Variants in MAMDC2 observed in about 807,000 individuals in gnomAD.
The protein encoded by MAMDC2 is MAM domain containing 2.
A neutral mutation model predicts 89.8 loss-of-function variants in MAMDC2; 57 were observed. That is an observed-to-expected ratio of 0.63 (90% CI 0.51 to 0.79). The LOEUF (loss-of-function observed/expected upper bound fraction) is 0.79, where lower values mean the gene tolerates loss of function less well. Among genes scored for constraint, MAMDC2 ranks in the 30% least tolerant of loss-of-function variants. MAMDC2 has a pLI of 0.00. For missense variants in MAMDC2, 800 were observed against 820.6 expected, an observed-to-expected ratio of 0.97 and a Z score of 0.31; for synonymous variants, 313 against 293.4, an observed-to-expected ratio of 1.07 and a Z score of -0.68.
intron 11 of MAMDC2, among the ~76,000 whole-genome samples, chr9:70,189,034 A>T (rs1453109216): frequency 2.0e-5 from 3 of 152,132 alleles, no homozygotes; most frequent in African/African-American, 7.2e-5. Flanking sequence ...TTATAAGCCC[A>T]TTGACACAGT....
chr9:70,197,920 C>T (rs2033005065), intron 11 of MAMDC2, among the ~76,000 whole-genome samples: 1 of 152,008 alleles, frequency 6.6e-6, no homozygotes, highest in African/African-American at 2.4e-5. Flanking sequence ...GGTCATTCGT[C>T]CCACTTTATC....
intron 12 of MAMDC2, among the ~76,000 whole-genome samples, chr9:70,219,978 C>A (rs189986924): frequency 1.4e-3 from 207 of 152,212 alleles, no homozygotes; most frequent in African/African-American, 3.6e-3. Context: ...TTCTCAGGTC[C>A]CACTTTAAAA....
At position 70,159,782 on chromosome 9, in the gene MAMDC2, C is replaced by T. The variant is rs546478090; in HGVS notation, c.1405-8920C>T. Among the ~76,000 whole-genome samples, 3 of 152,350 alleles carry T rather than the reference C, an allele frequency of 2.0e-5. No individual in the cohort carries two copies. The South Asian group carries it at 6.2e-4, about 32-fold the overall frequency. ...TTAAATTGGTCTTTACATTTTATTA[C>T]ATTACATTTGTCAGGGCAGTGTTTG... On this transcript the variant is annotated intron_variant, in intron 9 of 13. Coordinates refer to ENST00000377182, the MANE Select transcript of MAMDC2 (RefSeq NM_153267.5).
intron 11 of MAMDC2, among the ~76,000 whole-genome samples, chr9:70,196,181 A>G (rs1316953585): frequency 6.6e-6 from 1 of 152,072 alleles, no homozygotes; most frequent in Non-Finnish European, 1.5e-5. Flanking sequence ...CAATCTCATG[A>G]TTCAATTCTC....
chr9:70,160,450 CATTT>C (rs2031932866), intron 9 of MAMDC2, among the ~76,000 whole-genome samples: 1 of 152,022 alleles, frequency 6.6e-6, no homozygotes, highest in African/African-American at 2.4e-5. Flanking sequence ...AGGTTTTTCT[CATTT>C]ATTTTCCACT....
intron 9 of MAMDC2, among the ~76,000 whole-genome samples, chr9:70,150,211 A>G (rs1180162127): frequency 6.6e-6 from 1 of 152,234 alleles, no homozygotes; most frequent in Non-Finnish European, 1.5e-5. Context: ...CAGAGAGTAC[A>G]TGTTTCTCCA....
intron 2 of MAMDC2, among the ~76,000 whole-genome samples, chr9:70,059,707 T>C (rs985317983): frequency 5.9e-5 from 9 of 152,176 alleles, no homozygotes; most frequent in African/African-American, 2.2e-4. Context: ...TGAAAATAGA[T>C]TTCTTCATCG....
At chr9:70,164,004 C>T (rs2032080527) in intron 9 of MAMDC2, among the ~76,000 whole-genome samples, 1 of 150,348 alleles carries the variant, frequency 6.7e-6, no homozygotes, top group Non-Finnish European at 1.5e-5. Flanking sequence ...AGCACAAGGA[C>T]TGCACATAAC....
At chr9:70,165,620 T>C (rs992118011) in intron 9 of MAMDC2, among the ~76,000 whole-genome samples, 1 of 152,170 alleles carries the variant, frequency 6.6e-6, no homozygotes, top group Non-Finnish European at 1.5e-5. Flanking sequence ...AAAACATGCT[T>C]AACATTTCAT....
chr9:70,120,012 T>C (rs1019750694), intron 5 of MAMDC2, among the ~76,000 whole-genome samples: 2 of 152,192 alleles, frequency 1.3e-5, no homozygotes, highest in Non-Finnish European at 2.9e-5. Context: ...GCTTAGCTCA[T>C]ATAAGTCACG....
chr9:70,087,523 A>G, intron 2 of MAMDC2: 1 of 152,084 alleles, frequency 6.6e-6, no homozygotes, highest in East Asian at 1.9e-4. Context: ...AATTCTTATA[A>G]TTGAGTCTCA....
chr9:70,192,500 T>C (rs535337127), intron 11 of MAMDC2, among the ~76,000 whole-genome samples: 1 of 152,226 alleles, frequency 6.6e-6, no homozygotes, highest in East Asian at 1.9e-4. Context: ...GTATCTAAGA[T>C]TACCTTATTC....
intron 11 of MAMDC2, among the ~76,000 whole-genome samples, chr9:70,205,310 C>A (rs188108460): frequency 4.5e-4 from 69 of 152,256 alleles, no homozygotes; most frequent in Non-Finnish European, 9.0e-4. Context: ...AACTCCGTAC[C>A]CATTAAACAA....
chr9:70,100,096 TGGGGTAA>T (rs1195260402), intron 2 of MAMDC2, among the ~76,000 whole-genome samples: 2 of 146,742 alleles, frequency 1.4e-5, no homozygotes, highest in Non-Finnish European at 1.5e-5. Flanking sequence ...GATGACGAGG[TGGGGTAA>T]CCATCAGAAG....
chr9:70,074,111 G>A (rs768323524), intron 2 of MAMDC2, among the ~76,000 whole-genome samples: 1 of 152,170 alleles, frequency 6.6e-6, no homozygotes, highest in Non-Finnish European at 1.5e-5. Context: ...TTAAATGAAA[G>A]GATGCTGTTT....
In MAMDC2 at chr9:70,044,249, GGACAACCCCGGGGGC is replaced by G; in HGVS notation, c.34+20_34+34del. On this transcript the variant is annotated intron_variant, in intron 1 of 13. Coordinates refer to ENST00000377182, the MANE Select transcript of MAMDC2 (RefSeq NM_153267.5). ...GTTGCAAGGTAAGGCCTGGACCCCG[GGACAACCCCGGGGGC>G]GCTCTGACGACTCGCCCCCGCTCCT... 1 of 1,611,404 alleles carries G rather than the reference GGACAACCCCGGGGGC, an allele frequency of 6.2e-7. No individual in the cohort carries two copies. Among genetic ancestry groups the G allele is most frequent in the South Asian group, 1.1e-5 (1 of 91,072 alleles).
chr9:70,127,868 G>C (rs1484720913), intron 6 of MAMDC2, among the ~76,000 whole-genome samples: 1 of 152,130 alleles, frequency 6.6e-6, no homozygotes, highest in Non-Finnish European at 1.5e-5. Context: ...TCCCGTCAAA[G>C]TCAGATGAGT....
At chr9:70,140,492 TA>T (rs1346327775) in intron 8 of MAMDC2, among the ~76,000 whole-genome samples, 1 of 152,182 alleles carries the variant, frequency 6.6e-6, no homozygotes, top group Non-Finnish European at 1.5e-5. Flanking sequence ...GCTAGTTAAT[TA>T]AACAGGCAAA....
chr9:70,071,256 G>T (rs558023464), intron 2 of MAMDC2, among the ~76,000 whole-genome samples: 1 of 152,176 alleles, frequency 6.6e-6, no homozygotes, highest in African/African-American at 2.4e-5. Flanking sequence ...CTTGATTTAC[G>T]TAAGATGTCA....
Sources: gnomAD v4.1 joint callset for allele counts (sites outside exome capture counted in the v4.1 genomes callset) on GRCh38, gnomAD v4.1.1 for gene constraint, MANE v1.5 for transcripts, NCBI Gene and HGNC (gene_info 2026-07-23, HGNC 2026-07-21) for gene names.